Variants in ZCWPW2 observed in about 807,000 individuals in gnomAD.
The protein encoded by ZCWPW2 is zinc finger CW-type and PWWP domain containing 2.
ZCWPW2 carries 45 observed loss-of-function variants against 46.6 expected under a neutral mutation model. The ratio of observed to expected loss-of-function variants is 0.96; its 90% CI spans 0.76 to 1.24. The LOEUF (loss-of-function observed/expected upper bound fraction) is 1.24. Among genes scored for constraint, ZCWPW2 ranks in the 50% most tolerant of loss-of-function variants. The pLI is 0.00. For missense variants in ZCWPW2, 429 were observed against 403.9 expected (o/e 1.06, Z -0.53); for synonymous variants, 152 against 137.1 (o/e 1.11, Z -0.76).
intron 4 of ZCWPW2, among the ~76,000 whole-genome samples, chr3:28,469,856 C>T (rs1224356627): frequency 6.6e-6 from 1 of 152,094 alleles, no homozygotes. Context: ...CCACTTTCAG[C>T]ATTGGATAGA....
In ZCWPW2 at chr3:28,525,564, T is replaced by C. The variant is rs752617603; in HGVS notation, c.*876T>C. ...ATTCCAAGCACATAAAAACCAAAGC[T>C]TGAGGAGAGAAGAAGTGCACGAGAG... On this transcript the variant is annotated 3_prime_UTR_variant, in exon 10 of 10. Coordinates refer to ENST00000383768, the MANE Select transcript of ZCWPW2 (RefSeq NM_001040432.4). 3.9e-5 allele frequency among the ~76,000 whole-genome samples: 6 copies of C among 151,990 alleles called. No individual in the cohort carries two copies. Among genetic ancestry groups the C allele is most frequent in the Admixed American group, 6.6e-5 (1 of 15,236 alleles).
intron 4 of ZCWPW2, among the ~76,000 whole-genome samples, chr3:28,438,626 T>C (rs78259275): frequency 0.031 from 4,725 of 152,102 alleles, 125 homozygotes; most frequent in Non-Finnish European, 0.05. Context: ...TCAACAAAAA[T>C]TCATAAGACC....
intron 6 of ZCWPW2, among the ~76,000 whole-genome samples, chr3:28,498,492 A>G (rs1041570126): frequency 1.3e-5 from 2 of 152,006 alleles, no homozygotes; most frequent in Non-Finnish European, 2.9e-5. Flanking sequence ...TTATAATAAC[A>G]TATAGTTACT....
intron 1 of ZCWPW2, among the ~76,000 whole-genome samples, chr3:28,372,846 G>A (rs1705378066): frequency 6.6e-6 from 1 of 152,046 alleles, no homozygotes; most frequent in African/African-American, 2.4e-5. Context: ...CCATTGTTTA[G>A]CTGTCACTTA....
intron 5 of ZCWPW2, among the ~76,000 whole-genome samples, chr3:28,485,346 T>C (rs1037360284): frequency 8.5e-5 from 13 of 152,274 alleles, no homozygotes; most frequent in Non-Finnish European, 1.6e-4. Context: ...GAGTGTTTCA[T>C]GTGGGCATAA....
intron 3 of ZCWPW2, among the ~76,000 whole-genome samples, chr3:28,430,470 G>A (rs932587040): frequency 1.3e-5 from 2 of 152,212 alleles, no homozygotes; most frequent in African/African-American, 4.8e-5. Context: ...GAAGGGACTT[G>A]CCTTGTCTCA....
At chr3:28,523,497 C>T (rs1435112628) in intron 9 of ZCWPW2, among the ~76,000 whole-genome samples, 1 of 152,034 alleles carries the variant, frequency 6.6e-6, no homozygotes, top group African/African-American at 2.4e-5. Flanking sequence ...GGGAGGGTGG[C>T]CTCTTATAAG....
rs184990160 is a variant in ZCWPW2, at chr3:28,427,738, A to G, written c.333-7372A>G. 4.7e-4 allele frequency among the ~76,000 whole-genome samples: 71 copies of G among 152,350 alleles called. 1 individual carries two copies. The East Asian group carries it at 0.012, about 25-fold the overall frequency. On this transcript the variant is annotated intron_variant, in intron 3 of 9. Coordinates refer to ENST00000383768, the MANE Select transcript of ZCWPW2 (RefSeq NM_001040432.4). ...ATCAAAATAGCCATTCATGTTATACATAATAACTGCAAAATACTTCCCACT... is the reference window on the plus strand; with the variant it reads ...ATCAAAATAGCCATTCATGTTATACGTAATAACTGCAAAATACTTCCCACT...
At chr3:28,473,866 C>T (rs958327988) in intron 4 of ZCWPW2, among the ~76,000 whole-genome samples, 4 of 151,980 alleles carry the variant, frequency 2.6e-5, no homozygotes, top group Non-Finnish European at 5.9e-5. Context: ...GGTTGGTTAA[C>T]GGGCTGGGAA....
chr3:28,446,019 CAT>C (rs1179202446), intron 4 of ZCWPW2, among the ~76,000 whole-genome samples: 2 of 152,028 alleles, frequency 1.3e-5, no homozygotes, highest in African/African-American at 4.8e-5. Flanking sequence ...ATTATTAAAA[CAT>C]ATGAAGCAAA....
At position 28,349,191 on chromosome 3, in the gene ZCWPW2, G is replaced by A. The variant is rs1032075786; in HGVS notation, c.-146G>A. On this transcript the variant is annotated 5_prime_UTR_variant, in exon 1 of 10. Coordinates refer to ENST00000383768, the MANE Select transcript of ZCWPW2 (RefSeq NM_001040432.4). ...CCGCGGGACGCCAGGAGGCGGAGGC[G>A]GAGTGGAGTTAGGTAAGAGCGTTAC... is the stretch of plus-strand genomic sequence containing the variant. 2 of 985,620 alleles carry A rather than the reference G, an allele frequency of 2.0e-6. No individual in the cohort carries two copies. Among genetic ancestry groups the A allele is most frequent in the Non-Finnish European group, 2.4e-6 (2 of 830,196 alleles). 61.1% of individuals were successfully genotyped at this position (985,620 alleles called of 1,614,324 possible).
intron 3 of ZCWPW2, among the ~76,000 whole-genome samples, chr3:28,421,221 T>C (rs560246008): frequency 2.5e-4 from 38 of 152,188 alleles, no homozygotes; most frequent in African/African-American, 8.4e-4. Flanking sequence ...AGCTCCCCAC[T>C]CACAACTCTA....
chr3:28,382,200 C>T (rs1282654575), intron 1 of ZCWPW2, among the ~76,000 whole-genome samples: 5 of 150,200 alleles, frequency 3.3e-5, no homozygotes, highest in Non-Finnish European at 7.4e-5. Flanking sequence ...TATTTTCTCA[C>T]AATTCTGGAA....
At chr3:28,370,431 AC>A (rs1399087142) in intron 1 of ZCWPW2, among the ~76,000 whole-genome samples, 1 of 152,220 alleles carries the variant, frequency 6.6e-6, no homozygotes, top group African/African-American at 2.4e-5. Context: ...AAATTAATAA[AC>A]TAGCTACAAG....
intron 1 of ZCWPW2, among the ~76,000 whole-genome samples, chr3:28,355,654 G>A (rs1053516186): frequency 1.3e-5 from 2 of 152,174 alleles, no homozygotes; most frequent in East Asian, 1.9e-4. Context: ...AAACAGAGAT[G>A]TAGACCAATG....
intron 4 of ZCWPW2, among the ~76,000 whole-genome samples, chr3:28,441,512 C>T (rs1192196281): frequency 1.3e-5 from 2 of 152,158 alleles, no homozygotes; most frequent in Non-Finnish European, 2.9e-5. Flanking sequence ...CTGCAGCTGT[C>T]CACTTTCGAG....
At chr3:28,393,273 C>A (rs1305894315) in intron 2 of ZCWPW2, among the ~76,000 whole-genome samples, 1 of 151,966 alleles carries the variant, frequency 6.6e-6, no homozygotes, top group Admixed American at 6.6e-5. Flanking sequence ...CTGAAATAGG[C>A]TAATAATAAG....
intron 3 of ZCWPW2, among the ~76,000 whole-genome samples, chr3:28,430,143 G>A (rs1222757435): frequency 1.3e-5 from 2 of 152,240 alleles, no homozygotes; most frequent in African/African-American, 2.4e-5. Flanking sequence ...AAAAGCCACA[G>A]ACACTCAATG....
chr3:28,404,043 TG>T (rs1358209637), intron 2 of ZCWPW2, among the ~76,000 whole-genome samples: 1 of 151,978 alleles, frequency 6.6e-6, no homozygotes, highest in Admixed American at 6.6e-5. Context: ...GACAAATAGC[TG>T]GGACTTAATT....
Sources: gnomAD v4.1 joint callset for allele counts (sites outside exome capture counted in the v4.1 genomes callset) on GRCh38, gnomAD v4.1.1 for gene constraint, MANE v1.5 for transcripts, NCBI Gene and HGNC (gene_info 2026-07-23, HGNC 2026-07-21) for gene names.